The following TMED3 variants were observed in gnomAD, a reference collection of about 807,000 sequenced individuals.
The protein encoded by TMED3 is transmembrane emp24 domain-containing protein 3.
In TMED3, 9 loss-of-function variants were observed where a neutral mutation model predicts 15.0. That is an observed-to-expected ratio of 0.60 (90% CI 0.36 to 1.04). TMED3 has a LOEUF of 1.04. TMED3 is among the 50% of genes least tolerant of loss of function. The pLI, the probability that TMED3 is intolerant of heterozygous loss-of-function variation, is 0.01. For missense variants in TMED3, 267 were observed against 278.9 expected (o/e 0.96, Z 0.30); for synonymous variants, 117 against 121.4 (o/e 0.96, Z 0.24).
intron 2 of TMED3, among the ~76,000 whole-genome samples, chr15:79,317,294 T>C (rs1441407708): frequency 6.6e-6 from 1 of 152,228 alleles, no homozygotes; most frequent in Admixed American, 6.5e-5. Context: ...ACTCATCCTC[T>C]GTCTTGGTGT....
At chr15:79,333,644 A>G (rs1742267191) in intron 2 of TMED3, among the ~76,000 whole-genome samples, 2 of 152,218 alleles carry the variant, frequency 1.3e-5, no homozygotes, top group South Asian at 4.1e-4. Flanking sequence ...TCGTTCAAGA[A>G]CTTGATAAGA....
intron 2 of TMED3, among the ~76,000 whole-genome samples, chr15:79,391,558 G>A (rs566089469): frequency 1.1e-4 from 16 of 152,250 alleles, no homozygotes; most frequent in Non-Finnish European, 1.6e-4. Flanking sequence ...ATTGTTGGAT[G>A]AAATGTTCTG....
downstream of TMED3, among the ~76,000 whole-genome samples, chr15:79,324,199 G>A (rs2058779209): frequency 6.6e-6 from 1 of 152,164 alleles, no homozygotes; most frequent in African/African-American, 2.4e-5. Context: ...CACCGTGTTA[G>A]CCAGGATGGT....
chr15:79,391,187 CAGTT>C (rs375621052), intron 2 of TMED3, among the ~76,000 whole-genome samples: 8 of 151,874 alleles, frequency 5.3e-5, no homozygotes, highest in African/African-American at 1.9e-4. Flanking sequence ...GTTAGAATGT[CAGTT>C]TGTGCTCTTT....
chr15:79,363,419 A>G (rs8034825), intron 2 of TMED3, among the ~76,000 whole-genome samples: 16,670 of 151,902 alleles, frequency 0.11, 983 homozygotes, highest in Admixed American at 0.14. Flanking sequence ...ACTGTATCAC[A>G]AAGAAATGGC....
intron 2 of TMED3, among the ~76,000 whole-genome samples, chr15:79,402,522 G>A (rs1893847096): frequency 1.3e-5 from 2 of 152,190 alleles, no homozygotes; most frequent in Admixed American, 1.3e-4. Context: ...GCTCACACCT[G>A]TAACCCCAAC....
At chr15:79,399,235 G>A (rs1005353707) in intron 2 of TMED3, among the ~76,000 whole-genome samples, 1 of 152,086 alleles carries the variant, frequency 6.6e-6, no homozygotes, top group African/African-American at 2.4e-5. Flanking sequence ...TTCAAAAGCA[G>A]CCTCACAGAA....
intron 2 of TMED3, among the ~76,000 whole-genome samples, chr15:79,362,302 TA>T (rs55882848): frequency 0.52 from 70,133 of 134,996 alleles, 18,219 homozygotes; most frequent in East Asian, 0.73. Flanking sequence ...CTTGCCTCTA[TA>T]AAAAAAAAAA....
chr15:79,354,374 TC>T (rs1424383784), intron 2 of TMED3, among the ~76,000 whole-genome samples: 1 of 152,124 alleles, frequency 6.6e-6, no homozygotes, highest in Non-Finnish European at 1.5e-5. Context: ...GCTAGACAGA[TC>T]CTGGGGGAAG....
chr15:79,377,699 C>G (rs1300726077), intron 2 of TMED3, among the ~76,000 whole-genome samples: 3 of 145,256 alleles, frequency 2.1e-5, no homozygotes, highest in Non-Finnish European at 1.5e-5. Context: ...CCAGGCCAGA[C>G]TGCAGTGGCG....
At position 79,385,776 on chromosome 15, in the gene TMED3, A is replaced by T. The variant is rs1283118478; in HGVS notation, c.418-25624A>T. On this transcript the variant is annotated intron_variant, in intron 2 of 2. Coordinates refer to the TMED3 transcript ENST00000424155. ...CTGCAGCCACACTTTGGGTAGCTAC[A>T]GTGGCACCTGGGGAGCTGAACCCCC... Among the ~76,000 whole-genome samples, 3 of 152,226 alleles carry T rather than the reference A, an allele frequency of 2.0e-5. No individual in the cohort carries two copies. The East Asian group carries it at 5.8e-4, about 29-fold the overall frequency.
chr15:79,322,682 C>T lies in TMED3; in HGVS notation c.*468C>T, dbSNP rs1168062542. ...TTCTCTGTACCTGAGGAAACCAGGC[C>T]CTGGGTGACTTTGCAGATCTGCTCA... On this transcript the variant is annotated 3_prime_UTR_variant, in exon 3 of 3. Coordinates refer to ENST00000299705, the MANE Select transcript of TMED3 (RefSeq NM_007364.4). 8 of 986,944 alleles carry T rather than the reference C, an allele frequency of 8.1e-6. No homozygotes were observed. Among genetic ancestry groups the T allele is most frequent in the Non-Finnish European group, 9.6e-6 (8 of 831,300 alleles). 61.1% of individuals were successfully genotyped at this position (986,944 alleles called of 1,614,324 possible).
intron 2 of TMED3, among the ~76,000 whole-genome samples, chr15:79,317,585 T>A (rs1258532999): frequency 6.8e-6 from 1 of 146,870 alleles, no homozygotes; most frequent in Non-Finnish European, 1.5e-5. Flanking sequence ...CAAACATGTA[T>A]GCATATGTGT....
intron 2 of TMED3, among the ~76,000 whole-genome samples, chr15:79,357,984 C>T (rs1425095920): frequency 1.3e-5 from 2 of 152,184 alleles, no homozygotes; most frequent in Non-Finnish European, 2.9e-5. Flanking sequence ...AGATGTAACA[C>T]ACTATTAATG....
intron 2 of TMED3, among the ~76,000 whole-genome samples, chr15:79,344,648 C>G (rs1157975820): frequency 6.6e-6 from 1 of 152,124 alleles, no homozygotes; most frequent in Non-Finnish European, 1.5e-5. Flanking sequence ...AACCCTTTTT[C>G]TTTTAAGGTC....
At chr15:79,331,649 T>C (rs2058809647) in intron 2 of TMED3, among the ~76,000 whole-genome samples, 1 of 151,436 alleles carries the variant, frequency 6.6e-6, no homozygotes, top group South Asian at 2.1e-4. Flanking sequence ...TTTCGAAGTA[T>C]TCATCAGATA....
chr15:79,386,348 A>G (rs1215728594), intron 2 of TMED3, among the ~76,000 whole-genome samples: 2 of 152,208 alleles, frequency 1.3e-5, no homozygotes, highest in Admixed American at 6.5e-5. Flanking sequence ...GTGAGGGGCC[A>G]CTTTTCAGAG....
At chr15:79,328,136 TA>T (rs1308680957) in intron 2 of TMED3, among the ~76,000 whole-genome samples, 7 of 152,144 alleles carry the variant, frequency 4.6e-5, no homozygotes, top group Admixed American at 2.6e-4. Context: ...AACAGTGGTT[TA>T]AAAAAGTCAC....
downstream of TMED3, among the ~76,000 whole-genome samples, chr15:79,325,170 AT>A (rs2058782981): frequency 6.6e-6 from 1 of 152,182 alleles, no homozygotes; most frequent in African/African-American, 2.4e-5. Flanking sequence ...ATTTTCAGAA[AT>A]GGTCTAATGG....
Sources: allele counts gnomAD v4.1 joint callset (sites outside exome capture counted in the v4.1 genomes callset), GRCh38; gene constraint gnomAD v4.1.1; transcripts MANE v1.5; gene names NCBI Gene and HGNC (gene_info 2026-07-23, HGNC 2026-07-21).